Variants in C1orf159 observed in about 807,000 individuals in gnomAD.
C1orf159 encodes the protein uncharacterized protein C1orf159.
C1orf159 carries 19 observed loss-of-function variants against 25.6 expected under a neutral mutation model. That is an observed-to-expected ratio of 0.74 (90% CI 0.52 to 1.09). The LOEUF is 1.09. Ranked by LOEUF, C1orf159 falls within the 50% of genes least tolerant of loss-of-function variation. The pLI, the probability that C1orf159 is intolerant of heterozygous loss-of-function variation, is 0.00. For missense variants in C1orf159, 274 were observed against 290.6 expected, an observed-to-expected ratio of 0.94 and a Z score of 0.42; for synonymous variants, 139 against 124.7, an observed-to-expected ratio of 1.12 and a Z score of -0.77.
chr1:1,100,813 A>G (rs761089460), intron 1 of C1orf159, among the ~76,000 whole-genome samples: 4 of 152,132 alleles, frequency 2.6e-5, no homozygotes, highest in Admixed American at 6.5e-5. Flanking sequence ...TTTCTAGTCT[A>G]CTTAGAACTA....
rs998032484 is a variant in C1orf159, at chr1:1,089,553, C to T, written c.148+800G>A. Among the ~76,000 whole-genome samples, 45 of 152,280 alleles carry T rather than the reference C, an allele frequency of 3.0e-4. No homozygotes were observed. Among genetic ancestry groups the T allele is most frequent in the African/African-American group, 9.9e-4 (41 of 41,566 alleles). ...CCCCACGCCCAGCCTCGGACCCCCGCGCCCAGCCTCACTGGCTGCCACAGC... is the reference window on the plus strand; with the variant it reads ...CCCCACGCCCAGCCTCGGACCCCCGTGCCCAGCCTCACTGGCTGCCACAGC... On this transcript the variant is annotated intron_variant, in intron 4 of 9. Coordinates refer to ENST00000421241, the MANE Select transcript of C1orf159 (RefSeq NM_017891.5). This position sits in a 1 kb window ranked among gnomAD's most constrained non-coding sequence, Gnocchi z 7.5.
intron 1 of C1orf159, among the ~76,000 whole-genome samples, chr1:1,102,071 CAAAAAAAA>C (rs1237729417): frequency 5.0e-5 from 2 of 39,968 alleles, no homozygotes; most frequent in South Asian, 1.2e-3. Context: ...AACTCTGTCT[CAAAAAAAA>C]AAAAAAAAAA....
At chr1:1,113,635 G>A (rs1289629663) in intron 1 of C1orf159, among the ~76,000 whole-genome samples, 1 of 152,196 alleles carries the variant, frequency 6.6e-6, no homozygotes, top group Admixed American at 6.5e-5. Flanking sequence ...GTAGGAGGCA[G>A]AAGAGACCTT....
chr1:1,094,550 G>A (rs532566826), intron 1 of C1orf159, among the ~76,000 whole-genome samples: 69 of 152,048 alleles, frequency 4.5e-4, no homozygotes, highest in African/African-American at 1.4e-3. Context: ...ACAGGTGCCC[G>A]CCACCACGCC....
chr1:1,094,695 C>T (rs908805062), intron 1 of C1orf159, among the ~76,000 whole-genome samples: 10 of 152,186 alleles, frequency 6.6e-5, no homozygotes, highest in African/African-American at 1.7e-4. Flanking sequence ...CCACCTTGCC[C>T]GGCCCCCGTC....
At chr1:1,102,490 C>G (rs1431009802) in intron 1 of C1orf159, among the ~76,000 whole-genome samples, 1 of 150,534 alleles carries the variant, frequency 6.6e-6, no homozygotes, top group East Asian at 2.0e-4. Flanking sequence ...TTTAAAATTT[C>G]AGATCTTGGC....
intron 9 of C1orf159, chr1:1,083,837 C>T: frequency 1.5e-6 from 2 of 1,350,150 alleles, no homozygotes; most frequent in Non-Finnish European, 2.1e-6. Flanking sequence ...GAGCCCTGCT[C>T]ATGGCCTTGG....
intron 1 of C1orf159, chr1:1,092,341 C>T (rs1053854586): frequency 3.7e-4 from 71 of 193,766 alleles, no homozygotes; most frequent in African/African-American, 1.6e-3. Flanking sequence ...GGATACGGGC[C>T]CTCGGCCCGG....
intron 1 of C1orf159, among the ~76,000 whole-genome samples, chr1:1,109,963 CAGTT>C (rs1386725554): frequency 6.6e-6 from 1 of 152,172 alleles, no homozygotes; most frequent in Non-Finnish European, 1.5e-5. Context: ...AATGGGGGGT[CAGTT>C]AGTGCCTGGC....
At position 1,091,539 on chromosome 1, in the gene C1orf159, G is replaced by A. The variant is rs576528426; in HGVS notation, c.5C>T (p.Ala2Val). 2.6e-4 allele frequency: 397 copies of A among 1,549,386 alleles called. No homozygotes were observed. The highest frequency in any genetic ancestry group is 4.6e-4 in the South Asian group (39 of 83,998). M[A>V]LRHLALLAGL... is the part of the protein sequence containing the mutation. ...AGCCAGGAGGGCGAGGTGCCGCAGC[G>A]CCATGCCAGGAGCAGATGCGCAGAG... The change falls in exon 3 of 10, where the codon GCG becomes GTG. Residue 2 changes from alanine to valine, a missense_variant. Physicochemically the swap from Ala to Val is moderately conservative, Grantham distance 64. Coordinates refer to ENST00000421241, the MANE Select transcript of C1orf159 (RefSeq NM_017891.5).
At chr1:1,091,422 CCA>C (rs774153041) in intron 3 of C1orf159, 48 bp downstream of exon 3, 7 of 1,500,622 alleles carry the variant, frequency 4.7e-6, no homozygotes, top group Non-Finnish European at 6.4e-6. Context: ...CCACCGCCCT[CCA>C]CAGAGGCTCT....
chr1:1,112,823 C>T (rs983617226), intron 1 of C1orf159, among the ~76,000 whole-genome samples: 2 of 152,256 alleles, frequency 1.3e-5, no homozygotes, highest in African/African-American at 2.4e-5. Flanking sequence ...TCACATCGCC[C>T]GTCTGGCCCT....
At chr1:1,114,123 G>T (rs1322060541) in intron 1 of C1orf159, among the ~76,000 whole-genome samples, 1 of 151,856 alleles carries the variant, frequency 6.6e-6, no homozygotes, top group African/African-American at 2.4e-5. Flanking sequence ...CACCATATTC[G>T]CCAGGCTGAT....
chr1:1,095,506 A>G (rs978727267), intron 1 of C1orf159, among the ~76,000 whole-genome samples: 68 of 152,362 alleles, frequency 4.5e-4, no homozygotes, highest in African/African-American at 1.5e-3. Context: ...TAAACTTTGC[A>G]CCTTAGCCTT....
At chr1:1,099,786 G>GA (rs923757884) in intron 1 of C1orf159, among the ~76,000 whole-genome samples, 2 of 151,634 alleles carry the variant, frequency 1.3e-5, no homozygotes, top group African/African-American at 4.9e-5. Context: ...AAGAATCGGA[G>GA]AGAGAGGTTA....
chr1:1,094,328 A>G (rs1337325621), intron 1 of C1orf159, among the ~76,000 whole-genome samples: 1 of 152,056 alleles, frequency 6.6e-6, no homozygotes, highest in East Asian at 1.9e-4. Flanking sequence ...GTGCGTCACC[A>G]CCACGCTCAG....
intron 1 of C1orf159, among the ~76,000 whole-genome samples, chr1:1,098,704 T>G (rs916502390): frequency 2.8e-4 from 43 of 152,210 alleles, no homozygotes; most frequent in African/African-American, 9.6e-4. Context: ...CTCCGTCTTT[T>G]GGGTTCACAC....
At chr1:1,102,209 G>A (rs1646111607) in intron 1 of C1orf159, among the ~76,000 whole-genome samples, 1 of 151,056 alleles carries the variant, frequency 6.6e-6, no homozygotes, top group South Asian at 2.1e-4. Flanking sequence ...TCTGGTTACT[G>A]TTTCTTCAAG....
At chr1:1,103,123 G>A (rs1245877483) in intron 1 of C1orf159, among the ~76,000 whole-genome samples, 1 of 152,164 alleles carries the variant, frequency 6.6e-6, no homozygotes, top group Admixed American at 6.5e-5. Flanking sequence ...GATTACAGGC[G>A]TGAGCCACCA....
Sources: gnomAD v4.1 joint callset for allele counts (sites outside exome capture counted in the v4.1 genomes callset) on GRCh38, gnomAD v4.1.1 for gene constraint, Gnocchi (gnomAD v3.1) non-coding constraint, MANE v1.5 for transcripts, NCBI Gene and HGNC (gene_info 2026-07-23, HGNC 2026-07-21) for gene names.